The following KCNU1 variants were observed in gnomAD, a reference collection of about 807,000 sequenced individuals.
KCNU1 encodes potassium calcium-activated channel subfamily U member 1, also known as potassium channel subfamily U member 1.
A neutral mutation model predicts 126.8 loss-of-function variants in KCNU1; 93 were observed. The ratio of observed to expected loss-of-function variants is 0.73; its 90% CI spans 0.62 to 0.87. The LOEUF is 0.87. KCNU1 is among the 40% of genes least tolerant of loss of function. The pLI, the probability that KCNU1 is intolerant of heterozygous loss-of-function variation, is 0.00. For synonymous variants in KCNU1, 523 were observed against 494.2 expected (o/e 1.06, Z -0.77); for missense variants, 1,330 against 1,367.1 (o/e 0.97, Z 0.43).
At chr8:36,856,757 T>C (rs1805542581) in intron 18 of KCNU1, among the ~76,000 whole-genome samples, 1 of 152,196 alleles carries the variant, frequency 6.6e-6, no homozygotes, top group Non-Finnish European at 1.5e-5. Flanking sequence ...TGGGCCCCTT[T>C]GTAAGAGTGG....
chr8:36,829,415 T>C (rs1804447549), intron 10 of KCNU1, among the ~76,000 whole-genome samples: 1 of 151,860 alleles, frequency 6.6e-6, no homozygotes, highest in Non-Finnish European at 1.5e-5. Context: ...GTCATTTATG[T>C]CTCTAATTCA....
chr8:36,933,449 A>G (rs1023296247), intron 26 of KCNU1, among the ~76,000 whole-genome samples: 1 of 152,094 alleles, frequency 6.6e-6, no homozygotes, highest in Non-Finnish European at 1.5e-5. Context: ...TTTGCTAGCC[A>G]TGGTGCTTTT....
At chr8:36,849,761 AT>A (rs1475591184) in intron 18 of KCNU1, among the ~76,000 whole-genome samples, 1 of 152,130 alleles carries the variant, frequency 6.6e-6, no homozygotes, top group Non-Finnish European at 1.5e-5. Flanking sequence ...CCCTTTACAT[AT>A]TGTATATAAT....
Position 36,936,119 on chromosome 8 carries a change from T to C in KCNU1, c.*199T>C, listed in dbSNP as rs923220044. 4 of 447,604 alleles carry C rather than the reference T, an allele frequency of 8.9e-6. No individual in the cohort carries two copies. Among genetic ancestry groups the C allele is most frequent in the East Asian group, 3.5e-5 (1 of 28,884 alleles). 27.7% of individuals were successfully genotyped at this position (447,604 alleles called of 1,614,324 possible). ...CTTGTGTGATAAATAAAGAAATATATGATCAATGCTTCTGTAAGGAAAGTT... is the reference window on the plus strand; with the variant it reads ...CTTGTGTGATAAATAAAGAAATATACGATCAATGCTTCTGTAAGGAAAGTT... On this transcript the variant is annotated 3_prime_UTR_variant, in exon 27 of 27. Transcript: ENST00000399881.
At position 36,804,212 on chromosome 8, in the gene KCNU1, C is replaced by T. The variant is rs148363170; in HGVS notation, c.377+124C>T. 1,516 of 678,716 alleles carry T rather than the reference C, an allele frequency of 2.2e-3. 46 individuals carry two copies. In the East Asian group the frequency reaches 0.041, roughly 18 times the overall value. The allele number at this position is 678,716 out of a possible 1,614,324, so 42.0% of individuals were successfully genotyped here. A position where few individuals can be genotyped will look rare whatever the true frequency, so the allele number is the denominator to read the frequency against. On this transcript the variant is annotated intron_variant, in intron 3 of 26. Transcript: ENST00000399881. ...ACACACATGCACGCACACACACAAA[C>T]TCATAAAAAGTGATATGTTTGGCTT...
At chr8:36,889,758 CA>C (rs1427554985) in intron 19 of KCNU1, among the ~76,000 whole-genome samples, 1 of 151,976 alleles carries the variant, frequency 6.6e-6, no homozygotes, top group African/African-American at 2.4e-5. Flanking sequence ...TGCCAACCCA[CA>C]GACCTGGAAA....
chr8:36,867,467 T>C (rs561487878), intron 19 of KCNU1, among the ~76,000 whole-genome samples: 1 of 152,328 alleles, frequency 6.6e-6, no homozygotes, highest in East Asian at 1.9e-4. Flanking sequence ...CATGCATGCA[T>C]GTGTGTGTAC....
At chr8:36,898,722 A>T (rs1325191111) in intron 19 of KCNU1, among the ~76,000 whole-genome samples, 2 of 152,052 alleles carry the variant, frequency 1.3e-5, no homozygotes, top group South Asian at 4.1e-4. Flanking sequence ...TGTCTATGGG[A>T]GGGAAGTATT....
intron 24 of KCNU1, among the ~76,000 whole-genome samples, chr8:36,924,222 AT>A (rs1808460632): frequency 6.6e-6 from 1 of 152,122 alleles, no homozygotes; most frequent in African/African-American, 2.4e-5. Flanking sequence ...CCTACCCGGG[AT>A]TTTCAAGGGA....
intron 23 of KCNU1, among the ~76,000 whole-genome samples, chr8:36,921,002 G>T (rs1241523541): frequency 6.6e-6 from 1 of 152,084 alleles, no homozygotes; most frequent in Non-Finnish European, 1.5e-5. Context: ...TGTTTGGATT[G>T]GTCATTTCAA....
At chr8:36,812,482 C>A (rs1227640729) in intron 7 of KCNU1, among the ~76,000 whole-genome samples, 2 of 151,592 alleles carry the variant, frequency 1.3e-5, no homozygotes, top group Non-Finnish European at 2.9e-5. Context: ...AATGTAGATG[C>A]ACAAATAAAA....
intron 23 of KCNU1, among the ~76,000 whole-genome samples, chr8:36,921,544 T>C (rs1458758352): frequency 1.3e-5 from 2 of 150,138 alleles, no homozygotes; most frequent in African/African-American, 4.9e-5. Flanking sequence ...CCGGACATGG[T>C]GGTACATGCC....
At chr8:36,921,445 G>A (rs1260147611) in intron 23 of KCNU1, among the ~76,000 whole-genome samples, 2 of 152,090 alleles carry the variant, frequency 1.3e-5, no homozygotes, top group African/African-American at 2.4e-5. Flanking sequence ...TTGGGAGGCT[G>A]AGGCGGGTGG....
intron 10 of KCNU1, among the ~76,000 whole-genome samples, chr8:36,824,602 A>G (rs1053349664): frequency 6.6e-6 from 1 of 152,202 alleles, no homozygotes; most frequent in African/African-American, 2.4e-5. Flanking sequence ...TAGCACACCA[A>G]CACAACCCTT....
intron 12 of KCNU1, 76 bp from the exon 13 acceptor site, chr8:36,836,220 A>G (rs1458241593): frequency 1.3e-5 from 12 of 907,642 alleles, no homozygotes; most frequent in Non-Finnish European, 2.0e-5. Context: ...ATATCAATTT[A>G]ACTCTGAATT....
chr8:36,797,204 T>G (rs528845123), intron 2 of KCNU1, among the ~76,000 whole-genome samples: 1 of 152,324 alleles, frequency 6.6e-6, no homozygotes, highest in South Asian at 2.1e-4. Context: ...GAGGCTATAA[T>G]AACACCCATT....
intron 19 of KCNU1, among the ~76,000 whole-genome samples, chr8:36,900,668 A>C (rs1807380777): frequency 6.6e-6 from 1 of 152,084 alleles, no homozygotes; most frequent in Non-Finnish European, 1.5e-5. Context: ...TGCTATTTAT[A>C]AAGTCATTGG....
At chr8:36,911,765 C>T (rs554898127) in intron 22 of KCNU1, among the ~76,000 whole-genome samples, 14 of 152,202 alleles carry the variant, frequency 9.2e-5, no homozygotes, top group African/African-American at 2.6e-4. Flanking sequence ...TACTGTCATT[C>T]GGTTGATGTT....
At chr8:36,900,353 A>G (rs1807364899) in intron 19 of KCNU1, among the ~76,000 whole-genome samples, 1 of 152,154 alleles carries the variant, frequency 6.6e-6, no homozygotes, top group Non-Finnish European at 1.5e-5. Flanking sequence ...AATTTTTTAA[A>G]CCTTAAATTT....
Sources: allele counts gnomAD v4.1 joint callset (sites outside exome capture counted in the v4.1 genomes callset), GRCh38; gene constraint gnomAD v4.1.1; transcripts MANE v1.5; gene names NCBI Gene and HGNC (gene_info 2026-07-23, HGNC 2026-07-21).